The following SCART1 variants were observed in gnomAD, a reference collection of about 807,000 sequenced individuals.
SCART1 encodes scavenger receptor family member expressed on T cells 1, also known as scavenger receptor cysteine-rich domain-containing protein SCART1.
SCART1 carries 62 observed loss-of-function variants against 36.2 expected under a neutral mutation model. That is an observed-to-expected ratio of 1.71 (90% CI 1.40 to 2.12). The LOEUF is 2.12. Among genes scored for constraint, SCART1 ranks in the 30% most tolerant of loss-of-function variants. The pLI, the probability that SCART1 is intolerant of heterozygous loss-of-function variation, is 0.00. For synonymous variants in SCART1, 487 were observed against 238.7 expected (o/e 2.04, Z -9.59); for missense variants, 1,041 against 540.5 (o/e 1.93, Z -9.18).
rs1476552384 is a variant in SCART1, at chr10:133,464,560, G to A, written c.1970-46G>A. On this transcript the variant is annotated intron_variant, in intron 6 of 11. Coordinates refer to ENST00000640237, the Ensembl canonical transcript of SCART1. Reference sequence around the variant, plus strand: ...CCCCCTCCTTCTGAGACTGCCCATGGTGCCCAGGCAGGGCACTCCCTGGCC... The same window carrying A: ...CCCCCTCCTTCTGAGACTGCCCATGATGCCCAGGCAGGGCACTCCCTGGCC... 4.9e-6 allele frequency: 3 copies of A among 614,642 alleles called. No individual in the cohort carries two copies. The African/African-American group carries it at 5.5e-5, about 11-fold the overall frequency. The allele number at this position is 614,642 out of a possible 1,614,324, so 38.1% of individuals were successfully genotyped here.
chr10:133,466,285 G>A (rs1185077124), exon 10 of SCART1: 1 of 703,082 alleles, frequency 1.4e-6, no homozygotes, highest in Admixed American at 2.0e-5. Flanking sequence ...GACATTCTGG[G>A]TGGTCAGTGT....
chr10:133,459,378 G>A lies in SCART1; in HGVS notation c.1285+52G>A. ...GGAGGGTGAGTGAGAGGCATGGACA[G>A]AGGAGTGCAAGGAAGGACAGAGGGG... On this transcript the variant is annotated intron_variant, in intron 5 of 11. Coordinates refer to ENST00000640237, the Ensembl canonical transcript of SCART1. 10 of 619,262 alleles carry A rather than the reference G, an allele frequency of 1.6e-5. No homozygotes were observed. In the South Asian group the frequency reaches 1.9e-4, roughly 12 times the overall value. The allele number at this position is 619,262 out of a possible 1,614,324, so 38.4% of individuals were successfully genotyped here.
chr10:133,462,827 C>T (rs1377558241), intron 6 of SCART1, among the ~76,000 whole-genome samples: 1 of 152,198 alleles, frequency 6.6e-6, no homozygotes, highest in Non-Finnish European at 1.5e-5. Context: ...AGACCCTATT[C>T]CTTGACCCAA....
exon 9 of SCART1, chr10:133,465,442 G>C: frequency 1.8e-6 from 1 of 543,780 alleles, no homozygotes; most frequent in Non-Finnish European, 3.2e-6. Flanking sequence ...CCCTGGCTCC[G>C]GGCCCGTGTG....
At chr10:133,461,888 G>A (rs958505393) in intron 6 of SCART1, among the ~76,000 whole-genome samples, 7 of 152,132 alleles carry the variant, frequency 4.6e-5, no homozygotes, top group Admixed American at 6.5e-5. Context: ...ATTTTCCTCC[G>A]GTGGCTGCTT....
exon 11 of SCART1, chr10:133,467,297 C>G (rs1850773822): frequency 5.7e-6 from 4 of 702,934 alleles, no homozygotes; most frequent in Non-Finnish European, 1.0e-5. Context: ...GAGGCCGAGG[C>G]TGTGCTCCAA....
exon 5 of SCART1, chr10:133,459,126 C>A (rs1361855627): frequency 2.8e-6 from 2 of 702,910 alleles, no homozygotes; most frequent in South Asian, 3.0e-5. Flanking sequence ...ATAGCAGATG[C>A]CACCGTCCTC....
chr10:133,455,184 T>G (rs58191117), intron 1 of SCART1, among the ~76,000 whole-genome samples: 5,210 of 152,216 alleles, frequency 0.034, 166 homozygotes, highest in South Asian at 0.16. Flanking sequence ...CGAGAATCAG[T>G]TCAACCCTGG....
intron 9 of SCART1, 148 bp downstream of exon 9, chr10:133,465,713 G>C (rs1213086745): frequency 1.6e-6 from 1 of 613,776 alleles, no homozygotes; most frequent in African/African-American, 1.8e-5. Flanking sequence ...GGGATAGGCT[G>C]ATTTGCTGTG....
rs1850680464 is a variant in SCART1 at position 133,460,174 on chromosome 10, AGCG to A, written c.1969+7_1969+9del. ...GACGCCGGCGTCTTCTGCTCAGGTG[AGCG>A]GCCGTTGGGTATGGAATGATCATGC... On this transcript the variant is annotated splice_donor_5th_base_variant and intron_variant, in intron 6 of 11. Transcript: ENST00000640237. The A allele has an allele frequency of 6.1e-6, 3 of 490,916 alleles. No individual in the cohort carries two copies. 30.4% of individuals were successfully genotyped at this position (490,916 alleles called of 1,614,324 possible). A position where few individuals can be genotyped will look rare whatever the true frequency, so the allele number is the denominator to read the frequency against.
chr10:133,454,784 G>A (rs571341905), intron 1 of SCART1, among the ~76,000 whole-genome samples: 1 of 152,248 alleles, frequency 6.6e-6, no homozygotes, highest in African/African-American at 2.4e-5. Flanking sequence ...ATCCCCAGCG[G>A]TGGGGTGGAA....
chr10:133,464,510 C>G (rs571879610), intron 6 of SCART1, 96 bp from the exon 7 acceptor site: 254 of 603,702 alleles, frequency 4.2e-4, no homozygotes, highest in Non-Finnish European at 4.1e-4. Context: ...TAACTGATCT[C>G]AGTGCTGGGA....
intron 1 of SCART1, 101 bp from the exon 2 acceptor site, chr10:133,456,136 C>T (rs1564833215): frequency 9.4e-6 from 6 of 637,604 alleles, no homozygotes; most frequent in South Asian, 8.9e-5. Context: ...GCCCGACTCG[C>T]TGCTGAGGCC....
intron 2 of SCART1, 77 bp downstream of exon 2, chr10:133,456,631 G>A (rs574331274): frequency 4.2e-5 from 25 of 600,474 alleles, no homozygotes; most frequent in African/African-American, 3.3e-4. Context: ...CTGGGAGGAC[G>A]CAGAGGAGGA....
At position 133,463,933 on chromosome 10, in the gene SCART1, G is replaced by T. The variant is rs1394298292; in HGVS notation, c.1970-673G>T. Among the ~76,000 whole-genome samples, 4 of 152,200 alleles carry T rather than the reference G, an allele frequency of 2.6e-5. No homozygotes were observed. In the South Asian group the frequency reaches 8.3e-4, roughly 32 times the overall value. On this transcript the variant is annotated intron_variant, in intron 6 of 11. Coordinates refer to ENST00000640237, the Ensembl canonical transcript of SCART1. ...TAGAATTTATTCCTCTTATCCAGCT[G>T]TAATTTTGTATCTTTACAGATCTCC...
intron 10 of SCART1, 98 bp from the exon 11 acceptor site, chr10:133,467,100 T>G (rs1850772099): frequency 1.8e-6 from 1 of 567,798 alleles, no homozygotes; most frequent in East Asian, 3.0e-5. Flanking sequence ...GCCTCTTTGC[T>G]GCCTGGCTGG....
At chr10:133,453,945 A>G, upstream of SCART1, 1 of 702,610 alleles carries the variant, frequency 1.4e-6, no homozygotes, top group Non-Finnish European at 2.6e-6. Flanking sequence ...GACCTCTGCC[A>G]TTGCCCCAGC....
intron 10 of SCART1, 27 bp from the exon 11 acceptor site, chr10:133,467,171 T>C (rs1162139930): frequency 7.4e-6 from 5 of 675,938 alleles, no homozygotes. Context: ...TGAGGGCCTG[T>C]GTGTGACCAT....
At chr10:133,464,380 C>T (rs541881760) in intron 6 of SCART1, 6 of 485,646 alleles carry the variant, frequency 1.2e-5, no homozygotes, top group South Asian at 3.6e-5. Flanking sequence ...TGAACCTGGG[C>T]GTGCAGATGT....
Sources: gnomAD v4.1 joint callset for allele counts (sites outside exome capture counted in the v4.1 genomes callset) on GRCh38, gnomAD v4.1.1 for gene constraint, MANE v1.5 for transcripts, NCBI Gene and HGNC (gene_info 2026-07-23, HGNC 2026-07-21) for gene names.